SLC30A8: variants seen among roughly 807,000 people sequenced by gnomAD.
SLC30A8 encodes the protein solute carrier family 30 member 8, also known as proton-coupled zinc antiporter SLC30A8.
In SLC30A8, 27 loss-of-function variants were observed where a neutral mutation model predicts 36.9. The observed-to-expected ratio is 0.73, with a 90% CI of 0.54 to 1.01. SLC30A8 has a LOEUF of 1.01. Ranked by LOEUF, SLC30A8 falls within the 50% of genes least tolerant of loss-of-function variation. SLC30A8 has a pLI of 0.00. For missense variants in SLC30A8, 439 were observed against 452.0 expected (o/e 0.97, Z 0.26); for synonymous variants, 164 against 172.4 (o/e 0.95, Z 0.38).
At chr8:117,036,669 A>G (rs1817224317) in intron 1 of SLC30A8, among the ~76,000 whole-genome samples, 1 of 151,592 alleles carries the variant, frequency 6.6e-6, no homozygotes, top group South Asian at 2.1e-4. Context: ...ATCAGATCTC[A>G]TGAGAACTCA....
At chr8:117,141,109 A>G (rs1157756700) in intron 1 of SLC30A8, among the ~76,000 whole-genome samples, 5 of 152,262 alleles carry the variant, frequency 3.3e-5, no homozygotes, top group Middle Eastern at 6.8e-3. Context: ...AAATAGAATT[A>G]ATATTAACTC....
chr8:116,980,600 A>G (rs1236323858), intron 1 of SLC30A8, among the ~76,000 whole-genome samples: 1 of 152,228 alleles, frequency 6.6e-6, no homozygotes, highest in East Asian at 1.9e-4. Context: ...ATTCTCCAGA[A>G]AAAAGGACAA....
At chr8:117,030,706 A>G (rs987805707) in intron 1 of SLC30A8, among the ~76,000 whole-genome samples, 2 of 152,218 alleles carry the variant, frequency 1.3e-5, no homozygotes, top group African/African-American at 4.8e-5. Context: ...TGAGTTATTT[A>G]GATAGTCTGG....
chr8:117,147,157 A>C lies in SLC30A8; in HGVS notation c.271+4A>C. Reference sequence around the variant, plus strand: ...TTCATGATTGCAGAGGTCGTGGGTGAGTCTTTCTGCAGACTTTTTTCATTA... The same window carrying C: ...TTCATGATTGCAGAGGTCGTGGGTGCGTCTTTCTGCAGACTTTTTTCATTA... On this transcript the variant is annotated splice_donor_region_variant and intron_variant, in intron 2 of 7. Transcript: ENST00000456015. 1 of 1,612,926 alleles carries C rather than the reference A, an allele frequency of 6.2e-7. No homozygotes were observed. Among genetic ancestry groups the C allele is most frequent in the Non-Finnish European group, 8.5e-7 (1 of 1,179,602 alleles).
At chr8:116,990,848 A>G (rs1001726927) in intron 1 of SLC30A8, among the ~76,000 whole-genome samples, 27 of 152,204 alleles carry the variant, frequency 1.8e-4, no homozygotes, top group African/African-American at 6.5e-4. Flanking sequence ...TAATTATTCT[A>G]AAATTTAAAG....
intron 1 of SLC30A8, among the ~76,000 whole-genome samples, chr8:116,964,412 T>C (rs1814529977): frequency 6.6e-6 from 1 of 152,222 alleles, no homozygotes; most frequent in African/African-American, 2.4e-5. Context: ...TCCTGAGAGA[T>C]AACCAAGTGA....
intron 2 of SLC30A8, among the ~76,000 whole-genome samples, chr8:117,050,563 G>A (rs1031109986): frequency 2.0e-5 from 3 of 151,920 alleles, no homozygotes; most frequent in Non-Finnish European, 1.5e-5. Flanking sequence ...GCACCACCGC[G>A]CTTGGCTAAT....
intron 1 of SLC30A8, among the ~76,000 whole-genome samples, chr8:117,031,697 C>G (rs1285942256): frequency 2.0e-5 from 3 of 152,128 alleles, no homozygotes; most frequent in Non-Finnish European, 4.4e-5. Flanking sequence ...CCCCTGACTT[C>G]AGGTGAGCCG....
chr8:117,122,906 A>G (rs1034079124), intron 2 of SLC30A8, among the ~76,000 whole-genome samples: 1 of 151,936 alleles, frequency 6.6e-6, no homozygotes, highest in Non-Finnish European at 1.5e-5. Context: ...TTCCCAAATC[A>G]TGATGGAGCT....
At chr8:117,021,960 G>GA (rs35436771) in intron 1 of SLC30A8, among the ~76,000 whole-genome samples, 16,488 of 151,560 alleles carry the variant, frequency 0.11, 1,163 homozygotes, top group East Asian at 0.18. Flanking sequence ...TCATATGGGA[G>GA]AAAAAAATGA....
intron 2 of SLC30A8, among the ~76,000 whole-genome samples, chr8:117,121,126 C>A (rs1357799817): frequency 6.6e-6 from 1 of 151,822 alleles, no homozygotes; most frequent in Non-Finnish European, 1.5e-5. Flanking sequence ...TGGGATCCAG[C>A]AATCATACTT....
chr8:117,009,183 G>A (rs987755213), intron 1 of SLC30A8, among the ~76,000 whole-genome samples: 8 of 152,090 alleles, frequency 5.3e-5, no homozygotes, highest in African/African-American at 1.9e-4. Flanking sequence ...GGCTTAAAGA[G>A]TTTCTATTTC....
intron 2 of SLC30A8, among the ~76,000 whole-genome samples, chr8:117,117,823 A>C (rs16889417): frequency 0.054 from 8,199 of 152,032 alleles, 581 homozygotes; most frequent in African/African-American, 0.16. Context: ...ATTCAGACTA[A>C]ATATTTGACA....
intron 1 of SLC30A8, among the ~76,000 whole-genome samples, chr8:116,994,095 C>A (rs932995438): frequency 6.6e-6 from 1 of 151,496 alleles, no homozygotes; most frequent in Non-Finnish European, 1.5e-5. Context: ...CAGATAGCTT[C>A]ACTGGTGAAT....
intron 3 of SLC30A8, among the ~76,000 whole-genome samples, chr8:117,154,311 G>A (rs1419476441): frequency 6.6e-6 from 1 of 151,260 alleles, no homozygotes; most frequent in Admixed American, 6.6e-5. Context: ...CCTTCTATCA[G>A]CTGGAGGAGG....
intron 1 of SLC30A8, among the ~76,000 whole-genome samples, chr8:117,137,970 T>C (rs769006216): frequency 7.3e-5 from 11 of 149,756 alleles, no homozygotes; most frequent in African/African-American, 2.7e-4. Flanking sequence ...TTGGACCCAG[T>C]AGGTGCCATG....
intron 2 of SLC30A8, among the ~76,000 whole-genome samples, chr8:117,060,154 A>C (rs541049526): frequency 6.6e-6 from 1 of 152,218 alleles, no homozygotes; most frequent in African/African-American, 2.4e-5. Flanking sequence ...AAAATAGAGA[A>C]TGGAGATGCT....
At chr8:116,992,168 A>T (rs1348851464) in intron 1 of SLC30A8, among the ~76,000 whole-genome samples, 1 of 152,208 alleles carries the variant, frequency 6.6e-6, no homozygotes, top group Non-Finnish European at 1.5e-5. Context: ...GTTCAAAAAT[A>T]ACAAGGTGAC....
intron 2 of SLC30A8, among the ~76,000 whole-genome samples, chr8:117,066,135 G>C (rs1333611337): frequency 6.6e-6 from 1 of 152,136 alleles, no homozygotes; most frequent in Non-Finnish European, 1.5e-5. Context: ...TTCCAATGGG[G>C]AAAAACAACA....
Sources: gnomAD v4.1 joint callset for allele counts (sites outside exome capture counted in the v4.1 genomes callset) on GRCh38, gnomAD v4.1.1 for gene constraint, MANE v1.5 for transcripts, NCBI Gene and HGNC (gene_info 2026-07-23, HGNC 2026-07-21) for gene names.